The following ZNF175 variants were observed in gnomAD, a reference collection of about 807,000 sequenced individuals.
The protein encoded by ZNF175 is zinc finger protein 175.
Under a neutral mutation model 14.0 loss-of-function variants are expected in ZNF175, and 8 were observed. That is an observed-to-expected ratio of 0.57 (90% CI 0.34 to 1.03). The LOEUF (loss-of-function observed/expected upper bound fraction) is 1.03, where lower values mean the gene tolerates loss of function less well. ZNF175 is among the 50% of genes least tolerant of loss of function. The pLI is 0.03. For synonymous variants in ZNF175, 255 were observed against 296.8 expected (o/e 0.86, Z 1.45); for missense variants, 764 against 849.5 (o/e 0.90, Z 1.25).
At position 51,589,329 on chromosome 19, in the gene ZNF175, T is replaced by C. The variant is rs570850953; in HGVS notation, c.*862T>C. 11 of 565,830 alleles carry C rather than the reference T, an allele frequency of 1.9e-5. No individual in the cohort carries two copies. The South Asian group carries it at 2.3e-4, about 12-fold the overall frequency. The allele number at this position is 565,830 out of a possible 1,614,324, so 35.1% of individuals were successfully genotyped here. A position where few individuals can be genotyped will look rare whatever the true frequency, so the allele number is the denominator to read the frequency against. On this transcript the variant is annotated 3_prime_UTR_variant, in exon 5 of 5. Coordinates refer to ENST00000262259, the MANE Select transcript of ZNF175 (RefSeq NM_007147.4). Reference sequence around the variant, plus strand: ...GGGGTTTGCTGCAGAATTCACTGCATAGCAGGAGATGTAAGCAGATGAGTT... The same window carrying C: ...GGGGTTTGCTGCAGAATTCACTGCACAGCAGGAGATGTAAGCAGATGAGTT...
In ZNF175 at chr19:51,590,834, T is replaced by C. The variant is rs1982322971; in HGVS notation, c.*2367T>C. 1 of 152,164 alleles carries C rather than the reference T, an allele frequency of 6.6e-6. No homozygotes were observed. The highest frequency in any genetic ancestry group is 2.4e-5 in the African/African-American group (1 of 41,354). 9.4% of individuals were successfully genotyped at this position (152,164 alleles called of 1,614,324 possible). ...CCATGGTGGTGAGGGGTGGAAATAG[T>C]GTGCACCTGGGTCCTGGGAGTGGCA... On this transcript the variant is annotated 3_prime_UTR_variant, in exon 5 of 5. Coordinates refer to ENST00000262259, the MANE Select transcript of ZNF175 (RefSeq NM_007147.4).
At chr19:51,583,027 G>C (rs2054278598) in intron 4 of ZNF175, among the ~76,000 whole-genome samples, 2 of 152,176 alleles carry the variant, frequency 1.3e-5, no homozygotes, top group South Asian at 4.2e-4. Context: ...GGCTAATTTT[G>C]TATTTCTAGT....
At chr19:51,577,464 T>C (rs1190283641) in intron 2 of ZNF175, among the ~76,000 whole-genome samples, 1 of 115,320 alleles carries the variant, frequency 8.7e-6, no homozygotes, top group Non-Finnish European at 1.8e-5. Context: ...TAATCATTAC[T>C]GCCTTAAAAA....
chr19:51,588,003 C>A lies in ZNF175; in HGVS notation c.1672C>A (p.Pro558Thr). The change falls in exon 5 of 5, where the codon CCT (proline) becomes ACT (threonine). Residue 558 changes from proline (P) to threonine (T), a missense_variant. Physicochemically the swap from Pro to Thr is conservative, Grantham distance 38. Coordinates refer to ENST00000262259, the MANE Select transcript of ZNF175 (RefSeq NM_007147.4). ...MHQRIHTGEK[P>T]YKCSECGKAF... ...TCAGAGAATTCACACCGGAGAGAAG[C>A]CTTACAAATGCAGTGAATGTGGGAA... The A allele has an allele frequency of 6.2e-7, 1 of 1,614,154 alleles. No homozygotes were observed. The highest frequency in any genetic ancestry group is 8.5e-7 in the Non-Finnish European group (1 of 1,180,022).
rs1413480242 is a variant in ZNF175 at position 51,592,270 on chromosome 19, C to T, written c.*3803C>T. On this transcript the variant is annotated 3_prime_UTR_variant, in exon 5 of 5. Transcript: ENST00000262259. ...TGGATGCTACACATCCCAGCTCTGC[C>T]CCTCGCTAGTTTGGTGGCAAGCAAC... 1 of 218,996 alleles carries T rather than the reference C, an allele frequency of 4.6e-6. No individual in the cohort carries two copies. Among genetic ancestry groups the T allele is most frequent in the African/African-American group, 2.4e-5 (1 of 42,476 alleles). 13.6% of individuals were successfully genotyped at this position (218,996 alleles called of 1,614,324 possible).
At chr19:51,573,707 T>C (rs8111685) in intron 2 of ZNF175, 120,799 of 431,058 alleles carry the variant, frequency 0.28, 19,410 homozygotes, top group East Asian at 0.65. Flanking sequence ...CTGGTTCTGC[T>C]CCTTCATCCA....
rs1371690849 is a variant in ZNF175 at position 51,586,671 on chromosome 19, A to G, written c.340A>G (p.Lys114Glu). 6.2e-7 allele frequency: 1 copy of G among 1,602,328 alleles called. No homozygotes were observed. The highest frequency in any genetic ancestry group is 1.1e-5 in the South Asian group (1 of 88,414). Residue 114 changes from lysine to glutamate, a missense_variant, in exon 5 of 5, where the codon AAA becomes GAA. By Grantham distance (56) the Lys-to-Glu change is moderately conservative. Coordinates refer to ENST00000262259, the MANE Select transcript of ZNF175 (RefSeq NM_007147.4). ...LEIPQKEISK[K>E]ASFQKDMVGE... ...AATCCCACAAAAGGAGATTTCTAAG[A>G]AAGCTTCATTTCAAAAGGATATGGT...
At chr19:51,577,166 CAT>C (rs1416454749) in intron 2 of ZNF175, among the ~76,000 whole-genome samples, 4 of 152,140 alleles carry the variant, frequency 2.6e-5, no homozygotes, top group Admixed American at 6.5e-5. Context: ...CATATATTTG[CAT>C]ATTTAATAGA....
At chr19:51,579,919 A>G (rs905330814) in intron 2 of ZNF175, among the ~76,000 whole-genome samples, 6 of 152,174 alleles carry the variant, frequency 3.9e-5, no homozygotes, top group African/African-American at 1.4e-4. Context: ...ACTTAGTATG[A>G]AAACAGAATG....
intron 4 of ZNF175, among the ~76,000 whole-genome samples, chr19:51,584,930 T>C (rs1982118955): frequency 6.6e-6 from 1 of 152,176 alleles, no homozygotes; most frequent in Non-Finnish European, 1.5e-5. Flanking sequence ...TGATGATTTC[T>C]CAAAAATTAA....
rs200191886 is a variant in ZNF175 at position 51,587,814 on chromosome 19, C to T, written c.1483C>T (p.Arg495Ter). 8.7e-5 allele frequency: 141 copies of T among 1,614,032 alleles called. No individual in the cohort carries two copies. Among genetic ancestry groups the T allele is most frequent in the South Asian group, 2.2e-4 (20 of 91,072 alleles). ...ISKSQLDIHH[R>*]IHTGEKPYEC... is the part of the protein sequence containing the mutation. Reference sequence around the variant, plus strand: ...CAAGTCACAGCTTGATATACATCATCGAATTCATACAGGGGAGAAACCTTA... The same window carrying T: ...CAAGTCACAGCTTGATATACATCATTGAATTCATACAGGGGAGAAACCTTA... Residue 495 changes from arginine (R) to a stop codon, truncating the protein, a stop_gained, in exon 5 of 5, where the codon CGA (arginine) becomes TGA (stop). Transcript: ENST00000262259. LOFTEE classifies it low-confidence loss of function (END_TRUNC).
In ZNF175 at chr19:51,573,388, A is replaced by T; in HGVS notation, c.59A>T (p.Asp20Val). ...KPQVLGPEKQ[D>V]GSCEASVSFE... ...CAGGTCCTGGGTCCAGAGAAGCAGG[A>T]TGGATCTTGCGAGGTAAACAGGGGC... The change falls in exon 2 of 5, where the codon GAT (aspartate) becomes GTT (valine). Residue 20 changes from aspartate to valine, a missense_variant. Asp to Val is a radical substitution (Grantham distance 152, BLOSUM62 -3). Transcript: ENST00000262259. The T allele has an allele frequency of 6.2e-7, 1 of 1,612,514 alleles. No homozygotes were observed. The highest frequency in any genetic ancestry group is 8.5e-7 in the Non-Finnish European group (1 of 1,179,500).
Position 51,589,515 on chromosome 19 carries a change from G to A in ZNF175, c.*1048G>A, listed in dbSNP as rs1050701119. The A allele has an allele frequency of 2.9e-6, 2 of 700,466 alleles. No homozygotes were observed. The highest frequency in any genetic ancestry group is 2.6e-6 in the Non-Finnish European group (1 of 384,296). The allele number at this position is 700,466 out of a possible 1,614,324, so 43.4% of individuals were successfully genotyped here. Reference sequence around the variant, plus strand: ...TAAATGAGATTCTATAATGTTTACTGATCTTTATATTACAGATTTTCTCTT... The same window carrying A: ...TAAATGAGATTCTATAATGTTTACTAATCTTTATATTACAGATTTTCTCTT... On this transcript the variant is annotated 3_prime_UTR_variant, in exon 5 of 5. Transcript: ENST00000262259.
At position 51,586,731 on chromosome 19, in the gene ZNF175, A is replaced by G. The variant is rs1354582266; in HGVS notation, c.400A>G (p.Ile134Val). Residue 134 changes from isoleucine to valine, a missense_variant, in exon 5 of 5, where the codon ATT becomes GTT. Physicochemically the swap from Ile to Val is conservative, Grantham distance 29. Transcript: ENST00000262259. ...CACAAGAGATGGTTCATGGTGTTCC[A>G]TTTTAGAAGAACTGAGGCTGGATGC... ...EFTRDGSWCS[I>V]LEELRLDADR... is the part of the protein sequence containing the mutation. The G allele has an allele frequency of 1.2e-6, 2 of 1,614,102 alleles. No homozygotes were observed. The highest frequency in any genetic ancestry group is 1.7e-6 in the Non-Finnish European group (2 of 1,180,036).
intron 4 of ZNF175, among the ~76,000 whole-genome samples, chr19:51,585,548 T>C (rs779606868): frequency 6.6e-6 from 1 of 152,018 alleles, no homozygotes; most frequent in Non-Finnish European, 1.5e-5. Context: ...ATGATTGAGT[T>C]TTTTTGATAG....
chr19:51,581,687 A>C, intron 3 of ZNF175, 100 bp from the exon 4 acceptor site: 1 of 1,532,420 alleles, frequency 6.5e-7, no homozygotes, highest in Non-Finnish European at 8.8e-7. Context: ...TGCCCAGTGG[A>C]AAATGTTGAC....
chr19:51,577,444 A>G (rs193212080), intron 2 of ZNF175, among the ~76,000 whole-genome samples: 3 of 147,952 alleles, frequency 2.0e-5, no homozygotes, highest in Non-Finnish European at 4.4e-5. Flanking sequence ...TTTATTTTCT[A>G]GCCCTCCGAT....
chr19:51,573,537 C>T (rs1345853117), intron 2 of ZNF175, 136 bp downstream of exon 2: 2 of 733,340 alleles, frequency 2.7e-6, no homozygotes, highest in Non-Finnish European at 4.5e-6. Flanking sequence ...GATGTTTCCA[C>T]ATTCATAGGC....
chr19:51,573,618 GA>G (rs1981670760), intron 2 of ZNF175: 1 of 542,238 alleles, frequency 1.8e-6, no homozygotes, highest in African/African-American at 2.0e-5. Flanking sequence ...CTTGGGTCAA[GA>G]AAGAAGAAAC....
Sources: allele counts gnomAD v4.1 joint callset (sites outside exome capture counted in the v4.1 genomes callset), GRCh38; gene constraint gnomAD v4.1.1; transcripts MANE v1.5; gene names NCBI Gene and HGNC (gene_info 2026-07-23, HGNC 2026-07-21).